The following BMPR1B variants were observed in gnomAD, a reference collection of about 807,000 sequenced individuals.
BMPR1B encodes the protein bone morphogenetic protein receptor type-1B.
A neutral mutation model predicts 59.1 loss-of-function variants in BMPR1B; 12 were observed. The observed-to-expected ratio is 0.20, with a 90% confidence interval of 0.13 to 0.33. The LOEUF (loss-of-function observed/expected upper bound fraction) is 0.33. Among genes scored for constraint, BMPR1B ranks in the 10% least tolerant of loss-of-function variants. The pLI, the probability that BMPR1B is intolerant of heterozygous loss-of-function variation, is 1.00. For missense variants in BMPR1B, 550 were observed against 610.9 expected (o/e 0.90, Z 1.05); for synonymous variants, 237 against 207.3 (o/e 1.14, Z -1.23).
At chr4:94,771,195 C>T (rs545512413) in intron 1 of BMPR1B, among the ~76,000 whole-genome samples, 4 of 152,068 alleles carry the variant, frequency 2.6e-5, no homozygotes, top group East Asian at 3.9e-4. Context: ...CTAGGCAGTG[C>T]GTAGGCCTGT....
intron 4 of BMPR1B, among the ~76,000 whole-genome samples, chr4:95,114,510 A>G (rs1376908062): frequency 2.0e-5 from 3 of 152,210 alleles, no homozygotes; most frequent in Admixed American, 1.3e-4. Flanking sequence ...GACAAAGGAG[A>G]TATTACAAAA....
intron 1 of BMPR1B, among the ~76,000 whole-genome samples, chr4:94,836,338 A>T (rs1194815997): frequency 1.3e-5 from 2 of 149,160 alleles, no homozygotes; most frequent in African/African-American, 5.0e-5. Flanking sequence ...CGCCACACTG[A>T]CTTCCACAAT....
intron 1 of BMPR1B, among the ~76,000 whole-genome samples, chr4:94,870,285 C>G (rs949436265): frequency 6.6e-6 from 1 of 151,452 alleles, no homozygotes; most frequent in Admixed American, 6.6e-5. Context: ...CAAGGACCTT[C>G]GTAGTCATAC....
intron 1 of BMPR1B, among the ~76,000 whole-genome samples, chr4:94,790,594 T>C (rs1294034064): frequency 2.0e-5 from 3 of 152,200 alleles, no homozygotes; most frequent in Non-Finnish European, 4.4e-5. Flanking sequence ...TGTTGCAATC[T>C]AGGGGACATT....
chr4:94,770,401 C>T (rs1195878262), intron 1 of BMPR1B, among the ~76,000 whole-genome samples: 1 of 151,744 alleles, frequency 6.6e-6, no homozygotes, highest in Non-Finnish European at 1.5e-5. Flanking sequence ...ATGCATTATC[C>T]CAGAGGTGAC....
In BMPR1B at chr4:94,794,626, C is replaced by A. The variant is rs551669956; in HGVS notation, c.-183+36558C>A. 3.1e-3 allele frequency among the ~76,000 whole-genome samples: 466 copies of A among 148,610 alleles called. 3 individuals are homozygous for A. The highest frequency in any genetic ancestry group is 0.011 in the African/African-American group (448 of 39,274). ...ACCTTGGGCAGTATGGCCACTTTCA[C>A]GATATTGATTCTTCCTACCCATGAG... On this transcript the variant is annotated intron_variant, in intron 1 of 12. Transcript: ENST00000515059.
At chr4:95,117,963 G>A (rs948758985) in intron 6 of BMPR1B, among the ~76,000 whole-genome samples, 1 of 152,146 alleles carries the variant, frequency 6.6e-6, no homozygotes, top group Non-Finnish European at 1.5e-5. Context: ...GGAACAATGA[G>A]AAGACAAGTT....
At chr4:94,958,302 T>G (rs1730232024) in intron 2 of BMPR1B, among the ~76,000 whole-genome samples, 1 of 152,192 alleles carries the variant, frequency 6.6e-6, no homozygotes, top group South Asian at 2.1e-4. Context: ...ATATACTGTC[T>G]GGGCATATGG....
chr4:94,936,133 A>G (rs1466596066), intron 2 of BMPR1B, among the ~76,000 whole-genome samples: 2 of 152,234 alleles, frequency 1.3e-5, no homozygotes, highest in Admixed American at 1.3e-4. Context: ...CAGCATGTTT[A>G]TCTGACCGTG....
At chr4:95,117,675 A>G (rs1349450945) in intron 6 of BMPR1B, among the ~76,000 whole-genome samples, 1 of 152,100 alleles carries the variant, frequency 6.6e-6, no homozygotes, top group African/African-American at 2.4e-5. Flanking sequence ...AGTTGCAGCT[A>G]CTAGGGAGGC....
At chr4:95,046,333 C>T (rs1726059738) in intron 3 of BMPR1B, among the ~76,000 whole-genome samples, 1 of 152,158 alleles carries the variant, frequency 6.6e-6, no homozygotes, top group Admixed American at 6.5e-5. Context: ...TATTAAAGAA[C>T]ATTATTTTTA....
chr4:95,012,082 A>G (rs576110008), intron 3 of BMPR1B, among the ~76,000 whole-genome samples: 1 of 152,178 alleles, frequency 6.6e-6, no homozygotes, highest in East Asian at 1.9e-4. Flanking sequence ...ATGTTAGGTG[A>G]TAACTAGCCT....
At chr4:95,151,373 G>A (rs547261986) in intron 11 of BMPR1B, among the ~76,000 whole-genome samples, 58 of 152,262 alleles carry the variant, frequency 3.8e-4, no homozygotes, top group African/African-American at 1.3e-3. Flanking sequence ...AAGAGATGTG[G>A]GCTTTGCCTT....
At chr4:95,096,673 T>C (rs1191786453) in intron 3 of BMPR1B, among the ~76,000 whole-genome samples, 1 of 147,326 alleles carries the variant, frequency 6.8e-6, no homozygotes, top group East Asian at 2.0e-4. Flanking sequence ...ATAATTTAGT[T>C]AGTAAACTAA....
chr4:95,013,074 A>G (rs867821748), intron 3 of BMPR1B, among the ~76,000 whole-genome samples: 2 of 152,052 alleles, frequency 1.3e-5, no homozygotes, highest in African/African-American at 4.8e-5. Context: ...TAAAAATTAT[A>G]TAACTTTCTC....
At chr4:94,912,759 C>G (rs10488912) in intron 2 of BMPR1B, among the ~76,000 whole-genome samples, 16,963 of 152,046 alleles carry the variant, frequency 0.11, 1,002 homozygotes, top group Non-Finnish European at 0.14. Flanking sequence ...ACAGGTGATT[C>G]TGGTATGTGC....
chr4:94,772,015 A>C (rs897062154), intron 1 of BMPR1B, among the ~76,000 whole-genome samples: 14 of 152,222 alleles, frequency 9.2e-5, no homozygotes, highest in Non-Finnish European at 1.9e-4. Flanking sequence ...AAAAACCTTC[A>C]AGAAGAGTTT....
intron 2 of BMPR1B, among the ~76,000 whole-genome samples, chr4:94,962,062 C>T (rs78261094): frequency 7.2e-6 from 1 of 139,118 alleles, no homozygotes; most frequent in East Asian, 2.0e-4. Context: ...TCTTTCTTTT[C>T]TTTCTTTTCT....
chr4:94,796,529 G>C (rs1257208333), intron 1 of BMPR1B, among the ~76,000 whole-genome samples: 3 of 151,914 alleles, frequency 2.0e-5, no homozygotes, highest in Non-Finnish European at 4.4e-5. Flanking sequence ...TTTGAAAAGA[G>C]GTTCTTAATT....
Sources: allele counts gnomAD v4.1 joint callset (sites outside exome capture counted in the v4.1 genomes callset), GRCh38; gene constraint gnomAD v4.1.1; transcripts MANE v1.5; gene names NCBI Gene and HGNC (gene_info 2026-07-23, HGNC 2026-07-21).